Variants in TMPRSS15 observed in about 807,000 individuals in gnomAD.
The protein encoded by TMPRSS15 is transmembrane serine protease 15.
In TMPRSS15, 128 loss-of-function variants were observed where a neutral mutation model predicts 125.3. The observed-to-expected ratio is 1.02, with a 90% CI of 0.89 to 1.18. TMPRSS15 has a LOEUF of 1.18. Among genes scored for constraint, TMPRSS15 ranks in the 50% most tolerant of loss-of-function variants. TMPRSS15 has a pLI of 0.00. For missense variants in TMPRSS15, 1,283 were observed against 1,212.7 expected, an observed-to-expected ratio of 1.06 and a Z score of -0.86; for synonymous variants, 446 against 423.2, an observed-to-expected ratio of 1.05 and a Z score of -0.66.
intron 23 of TMPRSS15, among the ~76,000 whole-genome samples, chr21:18,276,755 CTTTTTTTTTTT>C (rs372920414): frequency 3.3e-5 from 4 of 121,344 alleles, no homozygotes; most frequent in Middle Eastern, 4.1e-3. Flanking sequence ...AACTGGGATT[CTTTTTTTTTTT>C]TTTTTTTTTT....
rs562374336 is a variant in TMPRSS15 at position 18,446,925 on chromosome 21, T to C, written c.10+38874A>G. ...CCCCAAAAAACATAGGCAACAAATA[T>C]AGACAAATGAGATTACTTCAAACTA... On this transcript the variant is annotated intron_variant, in intron 1 of 7. Transcript: ENST00000422787. Among the ~76,000 whole-genome samples the C allele has an allele frequency of 8.9e-4, 135 of 152,118 alleles. 1 individual carries two copies. Among genetic ancestry groups the C allele is most frequent in the African/African-American group, 3.1e-3 (129 of 41,522 alleles).
intron 3 of TMPRSS15, among the ~76,000 whole-genome samples, chr21:18,397,568 A>G (rs2076051828): frequency 6.6e-6 from 1 of 152,192 alleles, no homozygotes. Context: ...ATTTTATTAA[A>G]TGACAAGCAA....
At chr21:18,450,883 T>C (rs1206473439) in intron 1 of TMPRSS15, among the ~76,000 whole-genome samples, 4 of 152,290 alleles carry the variant, frequency 2.6e-5, no homozygotes, top group South Asian at 2.1e-4. Flanking sequence ...ATATACACCG[T>C]CAACAATAAG....
intron 18 of TMPRSS15, among the ~76,000 whole-genome samples, chr21:18,311,247 C>T (rs1054490416): frequency 6.6e-5 from 10 of 151,924 alleles, no homozygotes; most frequent in African/African-American, 1.2e-4. Flanking sequence ...GATCACATCA[C>T]GCTAAAAAGC....
At chr21:18,450,201 A>G (rs1158810510) in intron 1 of TMPRSS15, among the ~76,000 whole-genome samples, 5 of 152,092 alleles carry the variant, frequency 3.3e-5, no homozygotes, top group Non-Finnish European at 7.4e-5. Flanking sequence ...TCTTAACTTC[A>G]TATTTTTATT....
In TMPRSS15 at chr21:18,389,258, TAAGGAAGG is replaced by T. The variant is rs530149218; in HGVS notation, c.345-5488_345-5481del. Reference sequence around the variant, plus strand: ...GCAGGGAGGGAAGGAAGAAGTAAATTAAGGAAGGAAGGAAGGAAGGGAGGAAGATTAAA... The same window carrying T: ...GCAGGGAGGGAAGGAAGAAGTAAATTAAGGAAGGAAGGGAGGAAGATTAAA... On this transcript the variant is annotated intron_variant, in intron 3 of 24. Transcript: ENST00000284885. Among the ~76,000 whole-genome samples, 607 of 150,372 alleles carry T rather than the reference TAAGGAAGG, an allele frequency of 4.0e-3. 2 individuals carry two copies. The highest frequency in any genetic ancestry group is 0.017 in the Middle Eastern group (5 of 288).
chr21:18,460,885 C>T (rs1379537375), intron 1 of TMPRSS15, among the ~76,000 whole-genome samples: 3 of 152,190 alleles, frequency 2.0e-5, no homozygotes, highest in Admixed American at 2.0e-4. Context: ...TTAACCATCA[C>T]ATGTTATTGC....
At chr21:18,473,030 T>TC (rs1261679411) in intron 1 of TMPRSS15, among the ~76,000 whole-genome samples, 2 of 152,022 alleles carry the variant, frequency 1.3e-5, no homozygotes, top group East Asian at 3.9e-4. Flanking sequence ...GGATAAGAAA[T>TC]CTGTTCAAGC....
chr21:18,395,098 C>G (rs1216266889), intron 3 of TMPRSS15, among the ~76,000 whole-genome samples: 1 of 152,034 alleles, frequency 6.6e-6, no homozygotes, highest in African/African-American at 2.4e-5. Flanking sequence ...ACAAGGAAAA[C>G]TAAAGGTGGA....
intron 1 of TMPRSS15, among the ~76,000 whole-genome samples, chr21:18,416,128 TGACGGAAATTAAAGGA>T (rs2076179587): frequency 6.6e-6 from 1 of 151,996 alleles, no homozygotes; most frequent in Non-Finnish European, 1.5e-5. Context: ...AAAACATTGA[TGACGGAAATTAAAGGA>T]GACACAGATA....
chr21:18,410,618 T>C (rs568304082), intron 1 of TMPRSS15, among the ~76,000 whole-genome samples: 29 of 152,208 alleles, frequency 1.9e-4, no homozygotes, highest in African/African-American at 7.0e-4. Context: ...AAGAGCCATG[T>C]TGAATTCCCT....
intron 15 of TMPRSS15, 152 bp from the exon 16 acceptor site, chr21:18,326,724 C>A (rs988220760): frequency 9.7e-6 from 8 of 821,714 alleles, no homozygotes; most frequent in African/African-American, 8.5e-5. Context: ...CACACACATT[C>A]TCTTACATTT....
chr21:18,324,656 G>C (rs1260021337), intron 16 of TMPRSS15, among the ~76,000 whole-genome samples: 1 of 151,954 alleles, frequency 6.6e-6, no homozygotes, highest in Non-Finnish European at 1.5e-5. Flanking sequence ...AAGTATTGGT[G>C]GTAACATTTT....
At chr21:18,408,980 C>A (rs2076159117) in intron 1 of TMPRSS15, among the ~76,000 whole-genome samples, 1 of 152,088 alleles carries the variant, frequency 6.6e-6, no homozygotes, top group South Asian at 2.1e-4. Flanking sequence ...CATCATCAGT[C>A]AGCTTGTTTT....
intron 3 of TMPRSS15, among the ~76,000 whole-genome samples, chr21:18,396,813 T>TCTATCTATCTAG: frequency 7.0e-6 from 1 of 143,638 alleles, no homozygotes; most frequent in Non-Finnish European, 1.5e-5. Flanking sequence ...TGTCTGTCTA[T>TCTATCTATCTAG]CTATCTATCT....
At position 18,315,150 on chromosome 21, in the gene TMPRSS15, A is replaced by G. The variant is rs1019693587; in HGVS notation, c.2028T>C (p.Asp676=). The G allele has an allele frequency of 3.1e-6, 5 of 1,612,006 alleles. No homozygotes were observed. Among genetic ancestry groups the G allele is most frequent in the Non-Finnish European group, 4.2e-6 (5 of 1,178,648 alleles). ...LHCEDGSDEA[D]CVRFFNGTTN... ...TTTCCTAAAAATAAGACATACCACAATCTGCTTCATCTGAGCCATCCTCAC... is the reference window on the plus strand; with the variant it reads ...TTTCCTAAAAATAAGACATACCACAGTCTGCTTCATCTGAGCCATCCTCAC... The change falls in exon 17 of 25, where the codon GAT becomes GAC. Residue 676 remains aspartate, a synonymous_variant. Transcript: ENST00000284885.
chr21:18,308,982 C>A (rs541042180), intron 18 of TMPRSS15, among the ~76,000 whole-genome samples: 5 of 152,270 alleles, frequency 3.3e-5, no homozygotes, highest in Admixed American at 3.3e-4. Flanking sequence ...TTTCTTTATC[C>A]AGTCTATCAC....
At chr21:18,289,049 T>C (rs1259128194) in intron 21 of TMPRSS15, among the ~76,000 whole-genome samples, 1 of 152,164 alleles carries the variant, frequency 6.6e-6, no homozygotes, top group Non-Finnish European at 1.5e-5. Context: ...TGAATTGATA[T>C]ATGTCCTGTG....
chr21:18,297,341 G>A, intron 19 of TMPRSS15, among the ~76,000 whole-genome samples: 1 of 152,142 alleles, frequency 6.6e-6, no homozygotes. Flanking sequence ...TTCTCTTTTA[G>A]TGGTAGCTAA....
Sources: gnomAD v4.1 joint callset for allele counts (sites outside exome capture counted in the v4.1 genomes callset) on GRCh38, gnomAD v4.1.1 for gene constraint, MANE v1.5 for transcripts, NCBI Gene and HGNC (gene_info 2026-07-23, HGNC 2026-07-21) for gene names.